The following BACE2 variants were observed in gnomAD, a reference collection of about 807,000 sequenced individuals.
BACE2 encodes the protein beta-secretase 2.
BACE2 carries 17 observed loss-of-function variants against 46.2 expected under a neutral mutation model. The ratio of observed to expected loss-of-function variants is 0.37; its 90% CI spans 0.25 to 0.55. The LOEUF (loss-of-function observed/expected upper bound fraction) is 0.55. Ranked by LOEUF, BACE2 falls within the 20% of genes least tolerant of loss-of-function variation. BACE2 has a pLI of 0.82. For synonymous variants in BACE2, 277 were observed against 295.9 expected (o/e 0.94, Z 0.66); for missense variants, 595 against 698.1 (o/e 0.85, Z 1.66).
At chr21:41,210,969 C>G (rs1986283429) in intron 1 of BACE2, among the ~76,000 whole-genome samples, 1 of 152,210 alleles carries the variant, frequency 6.6e-6, no homozygotes, top group African/African-American at 2.4e-5. Context: ...GTGCCTGTCT[C>G]TGTTCTTGCA....
At chr21:41,249,132 C>T (rs1987560912) in intron 6 of BACE2, among the ~76,000 whole-genome samples, 1 of 151,890 alleles carries the variant, frequency 6.6e-6, no homozygotes, top group Non-Finnish European at 1.5e-5. Context: ...TACACTTGGC[C>T]TCAGGGGACT....
At chr21:41,173,160 G>A (rs1984666027) in intron 1 of BACE2, among the ~76,000 whole-genome samples, 1 of 152,080 alleles carries the variant, frequency 6.6e-6, no homozygotes, top group Admixed American at 6.5e-5. Flanking sequence ...ATATCTTTTG[G>A]GGAACATGAT....
At chr21:41,211,668 G>A (rs1043276270) in intron 1 of BACE2, among the ~76,000 whole-genome samples, 1 of 152,234 alleles carries the variant, frequency 6.6e-6, no homozygotes, top group Non-Finnish European at 1.5e-5. Flanking sequence ...TTCAGCAGAT[G>A]GGCTGCTAAT....
intron 1 of BACE2, among the ~76,000 whole-genome samples, chr21:41,200,861 G>A (rs919768989): frequency 2.6e-5 from 4 of 152,182 alleles, no homozygotes; most frequent in East Asian, 1.9e-4. Context: ...CTCCACAACC[G>A]TGAGAAGATA....
chr21:41,213,947 C>CTG (rs1045817328), intron 1 of BACE2, among the ~76,000 whole-genome samples: 7 of 152,326 alleles, frequency 4.6e-5, no homozygotes, highest in African/African-American at 7.2e-5. Context: ...ATGCTGTGGA[C>CTG]TGTGTGTCCC....
chr21:41,217,652 C>T (rs575078571), intron 1 of BACE2, among the ~76,000 whole-genome samples: 1 of 152,352 alleles, frequency 6.6e-6, no homozygotes, highest in African/African-American at 2.4e-5. Flanking sequence ...GGAGCCCCCT[C>T]CCAGTGATGG....
intron 4 of BACE2, 116 bp downstream of exon 4, chr21:41,242,063 TA>T (rs1987309933): frequency 1.5e-6 from 2 of 1,368,154 alleles, no homozygotes; most frequent in Non-Finnish European, 2.0e-6. Flanking sequence ...GTAGGTACTG[TA>T]AAACTTTCAT....
At chr21:41,274,354 T>A (rs189776638) in intron 8 of BACE2, among the ~76,000 whole-genome samples, 130 of 152,352 alleles carry the variant, frequency 8.5e-4, no homozygotes, top group Non-Finnish European at 1.4e-3. Context: ...TTTTGACTTT[T>A]TCTTTCCTCA....
intron 2 of BACE2, among the ~76,000 whole-genome samples, chr21:41,234,968 G>A (rs534466025): frequency 6.6e-6 from 1 of 152,284 alleles, no homozygotes; most frequent in East Asian, 1.9e-4. Flanking sequence ...ACGGTGGAGT[G>A]AACCAAGATA....
intron 8 of BACE2, among the ~76,000 whole-genome samples, chr21:41,258,588 G>T (rs1380724177): frequency 1.3e-5 from 2 of 152,192 alleles, no homozygotes; most frequent in African/African-American, 4.8e-5. Context: ...GCAGATAAAG[G>T]ATGCTTCATT....
At chr21:41,249,769 C>G (rs558280807) in intron 6 of BACE2, among the ~76,000 whole-genome samples, 1 of 152,270 alleles carries the variant, frequency 6.6e-6, no homozygotes, top group Non-Finnish European at 1.5e-5. Context: ...CTACAATAGA[C>G]ACATCAGATA....
rs59895715 is a variant in BACE2, at chr21:41,182,899, A to G, written c.312+14324A>G. 1,602 of 166,864 alleles carry G rather than the reference A, an allele frequency of 9.6e-3. 25 individuals carry two copies. Among genetic ancestry groups the G allele is most frequent in the African/African-American group, 0.031 (1,298 of 41,558 alleles). The allele number at this position is 166,864 out of a possible 1,614,324, so 10.3% of individuals were successfully genotyped here. A position where few individuals can be genotyped will look rare whatever the true frequency, so the allele number is the denominator to read the frequency against. Reference sequence around the variant, plus strand: ...AAAAAATACATTTTCTATTCATAATATTCTTTACATCTCTCTTTTCTACTC... The same window carrying G: ...AAAAAATACATTTTCTATTCATAATGTTCTTTACATCTCTCTTTTCTACTC... On this transcript the variant is annotated intron_variant, in intron 1 of 8. Transcript: ENST00000330333.
rs185975645 is a variant in BACE2 at position 41,173,371 on chromosome 21, A to C, written c.312+4796A>C. Among the ~76,000 whole-genome samples the C allele has an allele frequency of 7.9e-5, 12 of 152,320 alleles. No individual in the cohort carries two copies. The East Asian group carries it at 2.1e-3, about 27-fold the overall frequency. On this transcript the variant is annotated intron_variant, in intron 1 of 8. Coordinates refer to ENST00000330333, the MANE Select transcript of BACE2 (RefSeq NM_012105.5). The stretch of plus-strand genomic sequence containing the variant: ...AGTGCCCTGGGGCTTAGGGTGGGAG[A>C]AGGAAGAGAGGAGTGTTTCTGCTTC...
chr21:41,240,532 A>G (rs937094208), intron 3 of BACE2, among the ~76,000 whole-genome samples: 2 of 152,210 alleles, frequency 1.3e-5, no homozygotes, highest in African/African-American at 2.4e-5. Flanking sequence ...CCTGTTTCAC[A>G]GGGAAGGAAG....
rs10658440 is a variant in BACE2, at chr21:41,224,209, A to ATTTTTTTTTTTTT, written c.313-2046_313-2034dup. On this transcript the variant is annotated intron_variant, in intron 1 of 8. Coordinates refer to ENST00000330333, the MANE Select transcript of BACE2 (RefSeq NM_012105.5). ...CCTAGGCAAAAACTTGCCTATTTTGATTTTTTTTTTTTTTTTTTTTTTTGA... is the reference window on the plus strand; with the variant it reads ...CCTAGGCAAAAACTTGCCTATTTTGATTTTTTTTTTTTTTTTTTTTTTTTTTTTTTTTTTTTGA... Among the ~76,000 whole-genome samples the ATTTTTTTTTTTTT allele has an allele frequency of 5.6e-4, 55 of 98,894 alleles. 6 individuals carry two copies. Among genetic ancestry groups the ATTTTTTTTTTTTT allele is most frequent in the African/African-American group, 1.2e-3 (27 of 22,296 alleles). The allele number at this position is 98,894 out of a possible 152,430, so 64.9% of individuals were successfully genotyped here.
At chr21:41,251,886 T>C (rs982599552) in intron 7 of BACE2, among the ~76,000 whole-genome samples, 3 of 152,134 alleles carry the variant, frequency 2.0e-5, no homozygotes, top group Admixed American at 1.3e-4. Flanking sequence ...ATTTTTTTCC[T>C]ATACTCCCAG....
intron 8 of BACE2, among the ~76,000 whole-genome samples, chr21:41,265,087 A>G (rs1217735373): frequency 1.1e-4 from 16 of 151,950 alleles, no homozygotes; most frequent in Admixed American, 1.3e-4. Context: ...TATTTAATTT[A>G]AAAGGCTAGG....
At chr21:41,214,929 T>C (rs535723723) in intron 1 of BACE2, among the ~76,000 whole-genome samples, 1 of 148,910 alleles carries the variant, frequency 6.7e-6, no homozygotes, top group African/African-American at 2.5e-5. Context: ...GGAAGAGGTA[T>C]GGGGGGAGGG....
intron 7 of BACE2, among the ~76,000 whole-genome samples, chr21:41,254,508 G>A (rs935181644): frequency 5.9e-5 from 9 of 152,308 alleles, no homozygotes; most frequent in African/African-American, 1.9e-4. Flanking sequence ...CTCACAGGAA[G>A]GTTCGTTTTC....
Sources: allele counts gnomAD v4.1 joint callset (sites outside exome capture counted in the v4.1 genomes callset), GRCh38; gene constraint gnomAD v4.1.1; transcripts MANE v1.5; gene names NCBI Gene and HGNC (gene_info 2026-07-23, HGNC 2026-07-21).